The following NMI variants were observed in gnomAD, a reference collection of about 807,000 sequenced individuals.
NMI encodes N-myc-interactor.
A neutral mutation model predicts 34.3 loss-of-function variants in NMI; 39 were observed. The ratio of observed to expected loss-of-function variants is 1.14; its 90% CI spans 0.88 to 1.49. NMI has a LOEUF of 1.49. NMI is among the 40% of genes most tolerant of loss of function. NMI has a pLI of 0.00. For missense variants in NMI, 339 were observed against 358.1 expected (o/e 0.95, Z 0.43); for synonymous variants, 113 against 120.3 (o/e 0.94, Z 0.40).
chr2:151,270,797 C>T lies in NMI; in HGVS notation c.820G>A (p.Asp274Asn). The T allele has an allele frequency of 2.5e-6, 4 of 1,613,870 alleles. No homozygotes were observed. The highest frequency in any genetic ancestry group is 8.5e-7 in the Non-Finnish European group (1 of 1,179,834). Residue 274 changes from aspartate (D) to asparagine (N), a missense_variant, in exon 8 of 8, where the codon GAT (aspartate) becomes AAT (asparagine). Coordinates refer to ENST00000243346, the MANE Select transcript of NMI (RefSeq NM_004688.3). ...GIQMDEEIVE[D>N]LINIHFQRAK... Reference sequence around the variant, plus strand: ...CGTTGAAAGTGAATGTTAATTAAATCCTCCACAATTTCTTCATCCATTTGA... The same window carrying T: ...CGTTGAAAGTGAATGTTAATTAAATTCTCCACAATTTCTTCATCCATTTGA...
Position 151,275,853 on chromosome 2 carries a change from C to T in NMI, c.352G>A (p.Val118Met). ...ACATGATGTTTACTCATGCTTACCA[C>T]ATTTTGAGCAACTGAAAAATAATTC... The part of the protein sequence containing the change: ...TFEKEEVAQN[V>M]VSMSKHHVQI... Residue 118 changes from valine to methionine, a missense_variant, in exon 5 of 8, where the codon GTG (valine) becomes ATG (methionine). Transcript: ENST00000243346. 5 of 1,581,846 alleles carry T rather than the reference C, an allele frequency of 3.2e-6. No homozygotes were observed. The highest frequency in any genetic ancestry group is 3.4e-6 in the Non-Finnish European group (4 of 1,163,632).
In NMI at chr2:151,287,645, C is replaced by T. The variant is rs78680836; in HGVS notation, c.-7+1948G>A. On this transcript the variant is annotated intron_variant, in intron 1 of 7. Coordinates refer to ENST00000243346, the MANE Select transcript of NMI (RefSeq NM_004688.3). Reference sequence around the variant, plus strand: ...AGCTCCCGAAGCCTTTTCTGATTCCCCCAAAGGATGTTACTCCCCCTCCTT... The same window carrying T: ...AGCTCCCGAAGCCTTTTCTGATTCCTCCAAAGGATGTTACTCCCCCTCCTT... Among the ~76,000 whole-genome samples, 1,128 of 152,174 alleles carry T rather than the reference C, an allele frequency of 7.4e-3. 26 individuals carry two copies. The East Asian group carries it at 0.084, about 11-fold the overall frequency.
At chr2:151,284,593 A>G (rs1368630719) in intron 1 of NMI, among the ~76,000 whole-genome samples, 1 of 151,962 alleles carries the variant, frequency 6.6e-6, no homozygotes, top group African/African-American at 2.4e-5. Flanking sequence ...CTGTCCCCAC[A>G]GGCATTGACT....
chr2:151,277,391 C>G (rs768873681), intron 4 of NMI: 3 of 152,176 alleles, frequency 2.0e-5, no homozygotes, highest in Non-Finnish European at 4.4e-5. Context: ...TGAGAGGGAC[C>G]GCTTGTGTCT....
In NMI at chr2:151,270,814, T is replaced by C. The variant is rs771640871; in HGVS notation, c.803A>G (p.Asp268Gly). The change falls in exon 8 of 8, where the codon GAT (aspartate) becomes GGT (glycine). Residue 268 changes from aspartate (D) to glycine (G), a missense_variant. By Grantham distance (94) the Asp-to-Gly change is moderately conservative. Coordinates refer to ENST00000243346, the MANE Select transcript of NMI (RefSeq NM_004688.3). ...LLTGMEGIQM[D>G]EEIVEDLINI... Reference sequence around the variant, plus strand: ...AATTAAATCCTCCACAATTTCTTCATCCATTTGAATGCCTTCCATTCCTGT... The same window carrying C: ...AATTAAATCCTCCACAATTTCTTCACCCATTTGAATGCCTTCCATTCCTGT... 1 of 1,613,934 alleles carries C rather than the reference T, an allele frequency of 6.2e-7. No homozygotes were observed.
At position 151,282,036 on chromosome 2, in the gene NMI, A is replaced by G. The variant is rs1330197691; in HGVS notation, c.89T>C (p.Ile30Thr). 1.2e-5 allele frequency: 16 copies of G among 1,371,858 alleles called. No homozygotes were observed. Among genetic ancestry groups the G allele is most frequent in the South Asian group, 8.4e-5 (7 of 83,312 alleles). The allele number at this position is 1,371,858 out of a possible 1,614,324, so 85.0% of individuals were successfully genotyped here. ...AATATTTTTCTTTGTAATTTCATCA[A>G]TTAGTCCCTTAAAAATATCAAATGG... ...FIKDEQNKGL[I>T]DEITKKNIQL... is the part of the protein sequence containing the mutation. Residue 30 changes from isoleucine to threonine, a missense_variant, in exon 3 of 8, where the codon ATT (isoleucine) becomes ACT (threonine). Transcript: ENST00000243346.
chr2:151,271,789 A>G (rs1683192723), intron 6 of NMI, 57 bp from the exon 7 acceptor site: 2 of 850,110 alleles, frequency 2.4e-6, no homozygotes, highest in South Asian at 1.5e-5. Context: ...ATTTTTAACC[A>G]AAGTTAAAAC....
intron 6 of NMI, among the ~76,000 whole-genome samples, chr2:151,275,018 C>T (rs185107576): frequency 2.0e-5 from 3 of 151,850 alleles, no homozygotes; most frequent in East Asian, 2.0e-4. Context: ...GTAGCTGGGA[C>T]CACAGGCACG....
Position 151,278,910 on chromosome 2 carries a change from GAT to G in NMI, c.256_257del (p.Ile86LeufsTer13). On this transcript the variant is annotated frameshift_variant, in exon 4 of 8. Coordinates refer to ENST00000243346, the MANE Select transcript of NMI (RefSeq NM_004688.3). LOFTEE classifies it high-confidence loss of function. ...TPENDSQLSNISCSFQVSSKV... is the reference protein window; with the variant it reads ...TPENDSQLSNXSCSFQVSSKV... ...TCGAGCTCACTTGAAACGAACAGGA[GAT>G]ATTTGACAACTGGCTGTCATTCTCA... The G allele has an allele frequency of 6.2e-7, 1 of 1,612,350 alleles. No individual in the cohort carries two copies.
intron 3 of NMI, among the ~76,000 whole-genome samples, chr2:151,280,697 C>G (rs1432828343): frequency 1.3e-5 from 2 of 152,140 alleles, no homozygotes; most frequent in Non-Finnish European, 2.9e-5. Context: ...AGTTATAAGA[C>G]TGCATGATTC....
In NMI at chr2:151,284,323, G is replaced by T. The variant is rs564555709; in HGVS notation, c.-6-1369C>A. Among the ~76,000 whole-genome samples the T allele has an allele frequency of 9.9e-5, 15 of 151,740 alleles. No individual in the cohort carries two copies. In the South Asian group the frequency reaches 2.9e-3, roughly 30 times the overall value. ...GCATTTAATTTTTTTTTTAGATAGG[G>T]TCTCACTTTGTTGCCCAGGCTGGAG... On this transcript the variant is annotated intron_variant, in intron 1 of 7. Coordinates refer to ENST00000243346, the MANE Select transcript of NMI (RefSeq NM_004688.3).
chr2:151,274,084 T>C (rs1435968430), intron 6 of NMI, among the ~76,000 whole-genome samples: 1 of 151,850 alleles, frequency 6.6e-6, no homozygotes, highest in Non-Finnish European at 1.5e-5. Flanking sequence ...GGCTCATGCT[T>C]GTAATCCCAG....
intron 6 of NMI, among the ~76,000 whole-genome samples, chr2:151,273,791 G>C (rs2105202549): frequency 6.6e-6 from 1 of 152,194 alleles, no homozygotes; most frequent in African/African-American, 2.4e-5. Flanking sequence ...CAAAGTGCTG[G>C]GATTATAGGC....
intron 1 of NMI, among the ~76,000 whole-genome samples, chr2:151,287,565 A>G (rs1319610933): frequency 6.6e-6 from 1 of 151,696 alleles, no homozygotes; most frequent in Non-Finnish European, 1.5e-5. Flanking sequence ...CCCAAACTTA[A>G]TCTCCATCTA....
intron 1 of NMI, among the ~76,000 whole-genome samples, chr2:151,288,582 T>TGC: frequency 6.6e-6 from 1 of 150,462 alleles, no homozygotes; most frequent in African/African-American, 2.5e-5. Flanking sequence ...TGTGTGTGTG[T>TGC]GTGTGCGCGC....
chr2:151,281,147 T>C (rs1004492666), intron 3 of NMI, among the ~76,000 whole-genome samples: 56 of 152,310 alleles, frequency 3.7e-4, no homozygotes, highest in African/African-American at 1.3e-3. Flanking sequence ...CTCAATGCTT[T>C]AATTTTTTAA....
rs1683164518 is a variant in NMI at position 151,270,570 on chromosome 2, T to C, written c.*123A>G. On this transcript the variant is annotated 3_prime_UTR_variant, in exon 8 of 8. Coordinates refer to ENST00000243346, the MANE Select transcript of NMI (RefSeq NM_004688.3). Reference sequence around the variant, plus strand: ...CAGAAACATGGAAATAAGTTTTGTATCTAAACATAAATGGATGGTAAAAAT... The same window carrying C: ...CAGAAACATGGAAATAAGTTTTGTACCTAAACATAAATGGATGGTAAAAAT... The C allele has an allele frequency of 1.3e-6, 1 of 746,970 alleles. No homozygotes were observed. The allele number at this position is 746,970 out of a possible 1,614,324, so 46.3% of individuals were successfully genotyped here. A position where few individuals can be genotyped will look rare whatever the true frequency, so the allele number is the denominator to read the frequency against.
chr2:151,285,355 TGAGATAGATAGATAGA>T (rs1683474671), intron 1 of NMI, among the ~76,000 whole-genome samples: 1 of 130,994 alleles, frequency 7.6e-6, no homozygotes, highest in South Asian at 2.6e-4. Flanking sequence ...GATTGATGAT[TGAGATAGATAGATAGA>T]TAGATAGATA....
intron 1 of NMI, among the ~76,000 whole-genome samples, chr2:151,288,698 A>G (rs905591638): frequency 6.6e-6 from 1 of 152,226 alleles, no homozygotes; most frequent in Non-Finnish European, 1.5e-5. Flanking sequence ...CCGTAATACA[A>G]TCATATAACT....
Sources: allele counts gnomAD v4.1 joint callset (sites outside exome capture counted in the v4.1 genomes callset), GRCh38; gene constraint gnomAD v4.1.1; transcripts MANE v1.5; gene names NCBI Gene and HGNC (gene_info 2026-07-23, HGNC 2026-07-21).